Variants in CCDC62 observed in about 807,000 individuals in gnomAD.
The protein encoded by CCDC62 is coiled-coil domain containing 62, also known as coiled-coil domain-containing protein 62.
In CCDC62, 72 loss-of-function variants were observed where a neutral mutation model predicts 80.8. The ratio of observed to expected loss-of-function variants is 0.89; its 90% CI spans 0.74 to 1.08. The LOEUF (loss-of-function observed/expected upper bound fraction) is 1.08, where lower values mean the gene tolerates loss of function less well. Among genes scored for constraint, CCDC62 ranks in the 50% least tolerant of loss-of-function variants. The pLI is 0.00. For missense variants in CCDC62, 704 were observed against 809.4 expected (o/e 0.87, Z 1.58); for synonymous variants, 286 against 296.5 (o/e 0.96, Z 0.36).
intron 5 of CCDC62, 106 bp downstream of exon 5, chr12:122,789,035 C>A: frequency 1.2e-6 from 1 of 818,752 alleles, no homozygotes; most frequent in South Asian, 2.2e-5. Flanking sequence ...AATTCCTGGC[C>A]TTAGACCCTA....
intron 8 of CCDC62, among the ~76,000 whole-genome samples, chr12:122,799,012 A>G (rs978813065): frequency 1.6e-4 from 24 of 151,442 alleles, no homozygotes; most frequent in African/African-American, 5.8e-4. Flanking sequence ...CCCGGGAGGC[A>G]GAGGTTGCAG....
rs192419367 is a variant in CCDC62, at chr12:122,802,483, G to C, written c.1706+631G>C. Among the ~76,000 whole-genome samples, 489 of 147,096 alleles carry C rather than the reference G, an allele frequency of 3.3e-3. 3 individuals carry two copies. The highest frequency in any genetic ancestry group is 5.4e-3 in the Non-Finnish European group (365 of 67,410). On this transcript the variant is annotated intron_variant, in intron 9 of 12. Transcript: ENST00000253079. ...GGCTGGAGTGCAGTGGCGCAGTCTT[G>C]GCTCACTGAAACCTCCGCCTCCTGG...
At position 122,820,486 on chromosome 12, in the gene CCDC62, T is replaced by G. The variant is rs200828109; in HGVS notation, c.2002-2880T>G. 5.8e-4 allele frequency among the ~76,000 whole-genome samples: 89 copies of G among 152,308 alleles called. 1 individual carries two copies. Among genetic ancestry groups the G allele is most frequent in the East Asian group, 3.7e-3 (19 of 5,182 alleles). On this transcript the variant is annotated intron_variant, in intron 11 of 12. Transcript: ENST00000253079. ...CTGTCGGGGCTCTTGGCCTTTCTCG[T>G]GGCAGGCTGATAAAGCCTGCAGATC...
At chr12:122,785,678 A>G in intron 3 of CCDC62, 41 bp from the exon 4 acceptor site, 7 of 1,336,806 alleles carry the variant, frequency 5.2e-6, no homozygotes, top group Non-Finnish European at 7.5e-6. Flanking sequence ...TGAAAGCTTT[A>G]AAAGGACTCA....
chr12:122,806,671 G>A (rs1317743764), intron 10 of CCDC62, among the ~76,000 whole-genome samples: 1 of 151,590 alleles, frequency 6.6e-6, no homozygotes, highest in Non-Finnish European at 1.5e-5. Flanking sequence ...GTAGAGACAG[G>A]GTCTCAATTT....
intron 11 of CCDC62, among the ~76,000 whole-genome samples, chr12:122,814,297 AAAAAGAGAG>A (rs1201030496): frequency 1.2e-5 from 1 of 80,692 alleles, no homozygotes; most frequent in East Asian, 3.9e-4. Context: ...AAAAAAAAAA[AAAAAGAGAG>A]AGAGAAAGAA....
At chr12:122,788,593 C>A (rs984917047) in intron 4 of CCDC62, among the ~76,000 whole-genome samples, 165 bp from the exon 5 acceptor site, 1 of 152,134 alleles carries the variant, frequency 6.6e-6, no homozygotes, top group Non-Finnish European at 1.5e-5. Flanking sequence ...TTGGCAAGAA[C>A]AATAGTACCA....
intron 5 of CCDC62, among the ~76,000 whole-genome samples, chr12:122,789,385 C>CATGGT (rs1221360313): frequency 2.0e-5 from 3 of 152,200 alleles, no homozygotes; most frequent in African/African-American, 4.8e-5. Flanking sequence ...CATTTCTTCC[C>CATGGT]ATGGTGAGGG....
At chr12:122,817,586 T>G (rs2032222278) in intron 11 of CCDC62, among the ~76,000 whole-genome samples, 1 of 150,802 alleles carries the variant, frequency 6.6e-6, no homozygotes, top group Non-Finnish European at 1.5e-5. Flanking sequence ...GGCCTCCCAA[T>G]GTGCTGGGAT....
At chr12:122,821,484 C>T (rs543650725) in intron 11 of CCDC62, among the ~76,000 whole-genome samples, 31 of 152,330 alleles carry the variant, frequency 2.0e-4, no homozygotes, top group African/African-American at 7.5e-4. Flanking sequence ...GGGTGTCACT[C>T]TCTCGCTCAG....
chr12:122,793,557 C>T (rs1203812523), intron 6 of CCDC62, among the ~76,000 whole-genome samples: 1 of 151,964 alleles, frequency 6.6e-6, no homozygotes, highest in South Asian at 2.1e-4. Flanking sequence ...TGAGGCTCAT[C>T]ACAGCCTCAA....
chr12:122,783,309 G>A (rs149798767), intron 3 of CCDC62, among the ~76,000 whole-genome samples: 2,966 of 149,724 alleles, frequency 0.02, 104 homozygotes, highest in African/African-American at 0.069. Flanking sequence ...CTCACTGCAA[G>A]CTCCGCCTCC....
At chr12:122,794,261 C>T (rs759667738) in intron 6 of CCDC62, among the ~76,000 whole-genome samples, 180 of 152,156 alleles carry the variant, frequency 1.2e-3, no homozygotes, top group Middle Eastern at 3.2e-3. Context: ...GTGGTACAAT[C>T]GCAGCTCACT....
intron 10 of CCDC62, among the ~76,000 whole-genome samples, chr12:122,809,033 C>T (rs1463396990): frequency 6.6e-6 from 1 of 152,200 alleles, no homozygotes; most frequent in Non-Finnish European, 1.5e-5. Flanking sequence ...TTTTCACACG[C>T]TAAACCACCA....
At chr12:122,780,260 G>A (rs1316859842) in intron 2 of CCDC62, among the ~76,000 whole-genome samples, 2 of 150,126 alleles carry the variant, frequency 1.3e-5, no homozygotes, top group Non-Finnish European at 1.5e-5. Context: ...GCAGTAAGCC[G>A]AGATCGTGCC....
intron 12 of CCDC62, among the ~76,000 whole-genome samples, chr12:122,825,719 C>T (rs754368348): frequency 6.7e-6 from 1 of 150,190 alleles, no homozygotes; most frequent in Non-Finnish European, 1.5e-5. Flanking sequence ...GGCGCGGTGG[C>T]TCACACCTGT....
In CCDC62 at chr12:122,791,993, G is replaced by A. The variant is rs202144566; in HGVS notation, c.671-27G>A. ...GGACTGGAACCTAGTATTTATTTGA[G>A]GACTTTCTTTTTCTTCTGTTGTGAA... On this transcript the variant is annotated intron_variant, in intron 5 of 12. Transcript: ENST00000253079. The A allele has an allele frequency of 6.3e-4, 945 of 1,494,906 alleles. 6 individuals are homozygous for A. The Admixed American group carries it at 0.013, about 20-fold the overall frequency. The allele number at this position is 1,494,906 out of a possible 1,614,324, so 92.6% of individuals were successfully genotyped here.
chr12:122,775,258 T>C (rs1468667355), intron 1 of CCDC62, among the ~76,000 whole-genome samples: 1 of 152,166 alleles, frequency 6.6e-6, no homozygotes, highest in Non-Finnish European at 1.5e-5. Context: ...GGGAGCTGCT[T>C]TCCCATTTAC....
At chr12:122,777,291 G>A (rs1028588015) in intron 1 of CCDC62, 200 bp from the exon 2 acceptor site, 5 of 513,808 alleles carry the variant, frequency 9.7e-6, no homozygotes, top group Admixed American at 3.5e-5. Flanking sequence ...ACAGAAAATT[G>A]TAGAGAGGCA....
Sources: gnomAD v4.1 joint callset for allele counts (sites outside exome capture counted in the v4.1 genomes callset) on GRCh38, gnomAD v4.1.1 for gene constraint, MANE v1.5 for transcripts, NCBI Gene and HGNC (gene_info 2026-07-23, HGNC 2026-07-21) for gene names.